B3GALT1: variants seen among roughly 807,000 people sequenced by gnomAD.
B3GALT1 encodes the protein beta-1,3-galactosyltransferase 1, also known as UDP-Gal:betaGlcNAc beta 1,3-galactosyltransferase, polypeptide 1.
B3GALT1 carries 10 observed loss-of-function variants against 23.2 expected under a neutral mutation model. The ratio of observed to expected loss-of-function variants is 0.43; its 90% CI spans 0.27 to 0.73. The LOEUF (loss-of-function observed/expected upper bound fraction) is 0.73. Among genes scored for constraint, B3GALT1 ranks in the 30% least tolerant of loss-of-function variants. The pLI is 0.21. For missense variants in B3GALT1, 299 were observed against 405.4 expected (o/e 0.74, Z 2.25); for synonymous variants, 156 against 141.5 (o/e 1.10, Z -0.73).
intron 1 of B3GALT1, among the ~76,000 whole-genome samples, chr2:167,306,215 A>G (rs1219652591): frequency 6.6e-6 from 1 of 152,070 alleles, no homozygotes; most frequent in Non-Finnish European, 1.5e-5. Context: ...ATGCACATAC[A>G]TTTGAGAATA....
chr2:167,749,585 G>C (rs976165593), intron 3 of B3GALT1, among the ~76,000 whole-genome samples: 6 of 152,112 alleles, frequency 3.9e-5, no homozygotes, highest in Non-Finnish European at 8.8e-5. Flanking sequence ...TGCCCTGAGG[G>C]ATCAACTTTT....
intron 1 of B3GALT1, among the ~76,000 whole-genome samples, chr2:167,449,019 G>T (rs1330793287): frequency 6.6e-6 from 1 of 152,104 alleles, no homozygotes; most frequent in African/African-American, 2.4e-5. Flanking sequence ...ATAGTTTAAA[G>T]TTGGGTAATG....
At chr2:167,391,388 C>T (rs961229401) in intron 1 of B3GALT1, among the ~76,000 whole-genome samples, 4 of 152,094 alleles carry the variant, frequency 2.6e-5, no homozygotes, top group Non-Finnish European at 5.9e-5. Flanking sequence ...ATAACAGTTT[C>T]GCTGCTTTGA....
chr2:167,666,917 G>C (rs935106054), intron 3 of B3GALT1, among the ~76,000 whole-genome samples: 1 of 152,098 alleles, frequency 6.6e-6, no homozygotes, highest in Non-Finnish European at 1.5e-5. Flanking sequence ...TTGCCAGTCT[G>C]TGTCTTTTAA....
intron 1 of B3GALT1, among the ~76,000 whole-genome samples, chr2:167,462,138 A>G (rs1027650070): frequency 3.3e-5 from 5 of 152,216 alleles, no homozygotes; most frequent in African/African-American, 9.6e-5. Context: ...CCTCAAGAGC[A>G]TATAGTAAAA....
chr2:167,302,848 A>G (rs1443396473), intron 1 of B3GALT1, among the ~76,000 whole-genome samples: 1 of 152,194 alleles, frequency 6.6e-6, no homozygotes, highest in Non-Finnish European at 1.5e-5. Context: ...TCCAAAAACA[A>G]ATATCATGGA....
intron 3 of B3GALT1, among the ~76,000 whole-genome samples, chr2:167,709,076 G>A (rs898909789): frequency 6.6e-6 from 1 of 152,188 alleles, no homozygotes; most frequent in Non-Finnish European, 1.5e-5. Context: ...CCCATTTCAT[G>A]CCCTGCTGTG....
At position 167,454,196 on chromosome 2, in the gene B3GALT1, A is replaced by AGTGT. The variant is rs35747652; in HGVS notation, c.-510-35969_-510-35966dup. Among the ~76,000 whole-genome samples the AGTGT allele has an allele frequency of 1.7e-3, 265 of 152,056 alleles. 1 individual carries two copies. Among genetic ancestry groups the AGTGT allele is most frequent in the East Asian group, 0.012 (63 of 5,158 alleles). On this transcript the variant is annotated intron_variant, in intron 1 of 4. Coordinates refer to ENST00000392690, the MANE Select transcript of B3GALT1 (RefSeq NM_020981.4). ...TTTTCCGATGTAGGTATAACAGGAA[A>AGTGT]GTGTGTGTGTGTGTGCGCACGCGCG...
At chr2:167,445,294 C>T (rs1057105350) in intron 1 of B3GALT1, among the ~76,000 whole-genome samples, 1 of 152,142 alleles carries the variant, frequency 6.6e-6, no homozygotes, top group African/African-American at 2.4e-5. Flanking sequence ...CCTACGTGGT[C>T]AATTTTGGAA....
chr2:167,356,717 G>A (rs1238321353), intron 1 of B3GALT1, among the ~76,000 whole-genome samples: 1 of 151,728 alleles, frequency 6.6e-6, no homozygotes, highest in East Asian at 1.9e-4. Context: ...GCTAAAAGGT[G>A]GTTTAAGTAA....
chr2:167,485,614 G>A (rs560975527), intron 1 of B3GALT1, among the ~76,000 whole-genome samples: 11 of 152,256 alleles, frequency 7.2e-5, no homozygotes, highest in Admixed American at 2.6e-4. Flanking sequence ...GCTAAGCTAC[G>A]AAGTTAATTT....
intron 1 of B3GALT1, among the ~76,000 whole-genome samples, chr2:167,399,302 A>G (rs1308664040): frequency 6.6e-6 from 1 of 152,172 alleles, no homozygotes; most frequent in Non-Finnish European, 1.5e-5. Context: ...GCACTGTGTT[A>G]TGTTTCTTAG....
intron 3 of B3GALT1, among the ~76,000 whole-genome samples, chr2:167,681,728 G>T (rs1459184186): frequency 2.6e-5 from 4 of 152,152 alleles, no homozygotes; most frequent in African/African-American, 9.7e-5. Context: ...ACCCATATAT[G>T]TAGGGCCTAT....
intron 2 of B3GALT1, among the ~76,000 whole-genome samples, chr2:167,516,356 GTTTTGTTTTTGC>G (rs1333045409): frequency 6.6e-6 from 1 of 151,884 alleles, no homozygotes; most frequent in Non-Finnish European, 1.5e-5. Flanking sequence ...ATAAACCTGA[GTTTTGTTTTTGC>G]TTTTGTTTTT....
intron 2 of B3GALT1, among the ~76,000 whole-genome samples, chr2:167,561,279 C>A (rs945246876): frequency 9.9e-5 from 15 of 152,108 alleles, no homozygotes; most frequent in African/African-American, 3.6e-4. Flanking sequence ...CACAACATAC[C>A]AGAATCTCTG....
In B3GALT1 at chr2:167,494,000, T is replaced by C. The variant is rs545822034; in HGVS notation, c.-410+3723T>C. 1.5e-4 allele frequency among the ~76,000 whole-genome samples: 23 copies of C among 152,268 alleles called. No homozygotes were observed. The Middle Eastern group carries it at 0.01, about 68-fold the overall frequency. Reference sequence around the variant, plus strand: ...CCTTCAGTGTGGTTTATGTTAGAAGTACTCCTGAGACAGAGTAATAGGGAG... The same window carrying C: ...CCTTCAGTGTGGTTTATGTTAGAAGCACTCCTGAGACAGAGTAATAGGGAG... On this transcript the variant is annotated intron_variant, in intron 2 of 4. Coordinates refer to ENST00000392690, the MANE Select transcript of B3GALT1 (RefSeq NM_020981.4).
intron 1 of B3GALT1, among the ~76,000 whole-genome samples, chr2:167,468,939 A>G (rs1574092475): frequency 6.6e-6 from 1 of 152,202 alleles, no homozygotes; most frequent in African/African-American, 2.4e-5. Context: ...AGGCAAGAAT[A>G]CCATTGTAGC....
chr2:167,826,224 AGTCCTCTCT>A, intron 4 of B3GALT1, among the ~76,000 whole-genome samples: 1 of 152,284 alleles, frequency 6.6e-6, no homozygotes, highest in Admixed American at 6.5e-5. Flanking sequence ...TCTTGCGCTC[AGTCCTCTCT>A]ACCACTCCAC....
intron 4 of B3GALT1, among the ~76,000 whole-genome samples, chr2:167,839,791 A>G (rs1370813655): frequency 6.6e-6 from 1 of 152,214 alleles, no homozygotes; most frequent in Non-Finnish European, 1.5e-5. Flanking sequence ...CTACAAGGCT[A>G]CAGTAACCAA....
Sources: allele counts gnomAD v4.1 joint callset (sites outside exome capture counted in the v4.1 genomes callset), GRCh38; gene constraint gnomAD v4.1.1; transcripts MANE v1.5; gene names NCBI Gene and HGNC (gene_info 2026-07-23, HGNC 2026-07-21).